ARHGAP44: variants seen among roughly 807,000 people sequenced by gnomAD.
ARHGAP44 encodes the protein rho GTPase-activating protein 44.
Under a neutral mutation model 106.8 loss-of-function variants are expected in ARHGAP44, and 43 were observed. That is an observed-to-expected ratio of 0.40 (90% CI 0.32 to 0.52). ARHGAP44 has a LOEUF of 0.52. ARHGAP44 is among the 20% of genes least tolerant of loss of function. The pLI, the probability that ARHGAP44 is intolerant of heterozygous loss-of-function variation, is 0.48. For synonymous variants in ARHGAP44, 439 were observed against 410.3 expected (o/e 1.07, Z -0.85); for missense variants, 866 against 1,050.5 (o/e 0.82, Z 2.43).
chr17:12,820,908 C>A (rs999976682), intron 1 of ARHGAP44, among the ~76,000 whole-genome samples: 3 of 152,112 alleles, frequency 2.0e-5, no homozygotes, highest in Non-Finnish European at 4.4e-5. Flanking sequence ...CTTTGAAGAC[C>A]ATATCTAAAA....
intron 7 of ARHGAP44, among the ~76,000 whole-genome samples, chr17:12,933,235 G>T (rs968389496): frequency 6.6e-6 from 1 of 152,148 alleles, no homozygotes; most frequent in African/African-American, 2.4e-5. Context: ...TCCTCAGCAG[G>T]CAAGTGTTTG....
At chr17:12,826,002 A>G (rs578207868) in intron 1 of ARHGAP44, among the ~76,000 whole-genome samples, 1 of 152,152 alleles carries the variant, frequency 6.6e-6, no homozygotes, top group Non-Finnish European at 1.5e-5. Context: ...TTCGTTCTAA[A>G]ATATTTTGTT....
At chr17:12,969,249 C>A (rs2039468150) in intron 16 of ARHGAP44, among the ~76,000 whole-genome samples, 1 of 152,054 alleles carries the variant, frequency 6.6e-6, no homozygotes, top group Admixed American at 6.6e-5. Context: ...CCTTTTCCCC[C>A]CTTTATCAAC....
At chr17:12,964,956 A>G (rs117225300) in intron 16 of ARHGAP44, among the ~76,000 whole-genome samples, 1 of 151,468 alleles carries the variant, frequency 6.6e-6, no homozygotes. Context: ...CCCACTCCCT[A>G]CCTCTGTGTT....
In ARHGAP44 at chr17:12,791,700, T is replaced by C. The variant is rs534199616; in HGVS notation, c.53+1809T>C. Among the ~76,000 whole-genome samples the C allele has an allele frequency of 1.3e-3, 193 of 152,030 alleles. 2 individuals carry two copies. Among genetic ancestry groups the C allele is most frequent in the African/African-American group, 3.4e-3 (140 of 41,408 alleles). Reference sequence around the variant, plus strand: ...GGGAATGCAAAATGGTGAGGGGAGGTTGGATTTCAGAAAAAGTGGTCTTAG... The same window carrying C: ...GGGAATGCAAAATGGTGAGGGGAGGCTGGATTTCAGAAAAAGTGGTCTTAG... On this transcript the variant is annotated intron_variant, in intron 1 of 20. Coordinates refer to ENST00000379672, the MANE Select transcript of ARHGAP44 (RefSeq NM_014859.6).
chr17:12,904,494 A>G (rs2037488878), intron 3 of ARHGAP44, among the ~76,000 whole-genome samples: 1 of 152,216 alleles, frequency 6.6e-6, no homozygotes, highest in South Asian at 2.1e-4. Context: ...AAGCTCTCAA[A>G]TTCACCTTAA....
intron 8 of ARHGAP44, 114 bp downstream of exon 8, chr17:12,941,238 G>A (rs1178032908): frequency 1.1e-6 from 1 of 944,864 alleles, no homozygotes; most frequent in Non-Finnish European, 1.6e-6. Flanking sequence ...TGGGAGCTTT[G>A]ACCATTTTAC....
chr17:12,830,234 A>G (rs1479449874), intron 1 of ARHGAP44, among the ~76,000 whole-genome samples: 1 of 152,008 alleles, frequency 6.6e-6, no homozygotes, highest in Non-Finnish European at 1.5e-5. Context: ...CAAAGAACTC[A>G]TTTTTTTCTT....
intron 1 of ARHGAP44, among the ~76,000 whole-genome samples, chr17:12,853,370 C>T (rs375443703): frequency 3.6e-4 from 55 of 152,166 alleles, no homozygotes; most frequent in African/African-American, 7.2e-4. Flanking sequence ...AGGACCGAAA[C>T]GTGTCATGAA....
intron 1 of ARHGAP44, among the ~76,000 whole-genome samples, chr17:12,864,280 A>G (rs1023916535): frequency 6.6e-6 from 1 of 152,092 alleles, no homozygotes; most frequent in African/African-American, 2.4e-5. Flanking sequence ...ATTTGTGTGT[A>G]TGATTTTTCT....
intron 8 of ARHGAP44, 42 bp from the exon 9 acceptor site, chr17:12,943,546 T>G (rs778782126): frequency 1.3e-6 from 2 of 1,598,298 alleles, no homozygotes; most frequent in Non-Finnish European, 1.7e-6. Context: ...GCCTGTGTCC[T>G]TGCCCCTCAC....
chr17:12,872,358 A>G (rs564036083), intron 1 of ARHGAP44, among the ~76,000 whole-genome samples: 2 of 152,160 alleles, frequency 1.3e-5, no homozygotes, highest in East Asian at 1.9e-4. Flanking sequence ...ACATCCTGCA[A>G]TTTCTTCTCG....
intron 1 of ARHGAP44, among the ~76,000 whole-genome samples, chr17:12,888,808 A>G (rs996401621): frequency 1.3e-5 from 2 of 152,114 alleles, no homozygotes; most frequent in African/African-American, 4.8e-5. Flanking sequence ...GTTGTGTCTT[A>G]GTGGCTTGAC....
At chr17:12,860,178 C>T (rs751998550) in intron 1 of ARHGAP44, among the ~76,000 whole-genome samples, 1 of 152,138 alleles carries the variant, frequency 6.6e-6, no homozygotes, top group Non-Finnish European at 1.5e-5. Context: ...CCAAATGCCA[C>T]AGCATCAAGA....
chr17:12,894,014 A>G (rs919885150), intron 1 of ARHGAP44, among the ~76,000 whole-genome samples: 105 of 152,160 alleles, frequency 6.9e-4, no homozygotes, highest in Admixed American at 3.9e-4. Context: ...TTGCTAAAAT[A>G]CATTCACTCC....
chr17:12,797,576 C>T (rs553238731), intron 1 of ARHGAP44, among the ~76,000 whole-genome samples: 1 of 152,110 alleles, frequency 6.6e-6, no homozygotes, highest in Non-Finnish European at 1.5e-5. Flanking sequence ...GGAGTGGAGT[C>T]AGGCTGAACT....
chr17:12,960,303 C>T (rs781405622), intron 16 of ARHGAP44, among the ~76,000 whole-genome samples: 1 of 152,094 alleles, frequency 6.6e-6, no homozygotes, highest in Non-Finnish European at 1.5e-5. Flanking sequence ...GGCGCGGTGG[C>T]TCACGCCTAT....
chr17:12,832,396 A>G (rs1376600619), intron 1 of ARHGAP44, among the ~76,000 whole-genome samples: 11 of 152,082 alleles, frequency 7.2e-5, no homozygotes, highest in Non-Finnish European at 1.5e-4. Context: ...TCTGAAAAAT[A>G]CCTTAAACAC....
At chr17:12,908,746 C>A in intron 3 of ARHGAP44, 151 bp from the exon 4 acceptor site, 1 of 593,490 alleles carries the variant, frequency 1.7e-6, no homozygotes, top group Non-Finnish European at 2.9e-6. Context: ...CATCATGGTG[C>A]ACTATGAATT....
Sources: allele counts gnomAD v4.1 joint callset (sites outside exome capture counted in the v4.1 genomes callset), GRCh38; gene constraint gnomAD v4.1.1; transcripts MANE v1.5; gene names NCBI Gene and HGNC (gene_info 2026-07-23, HGNC 2026-07-21).